The following ARMH3 variants were observed in gnomAD, a reference collection of about 807,000 sequenced individuals.
The protein encoded by ARMH3 is armadillo like helical domain containing 3.
Under a neutral mutation model 99.1 loss-of-function variants are expected in ARMH3, and 60 were observed. The observed-to-expected ratio is 0.61, with a 90% CI of 0.49 to 0.75. The LOEUF is 0.75. Ranked by LOEUF, ARMH3 falls within the 30% of genes least tolerant of loss-of-function variation. ARMH3 has a pLI of 0.00. For synonymous variants in ARMH3, 285 were observed against 292.8 expected (o/e 0.97, Z 0.27); for missense variants, 679 against 843.1 (o/e 0.81, Z 2.41).
chr10:101,911,644 T>C (rs949586830), intron 23 of ARMH3, among the ~76,000 whole-genome samples: 2 of 152,094 alleles, frequency 1.3e-5, no homozygotes, highest in East Asian at 3.9e-4. Flanking sequence ...GGCAGAAGGA[T>C]CCCTCGAGCC....
Position 101,847,616 on chromosome 10 carries a change from C to A in ARMH3, c.1982G>T (p.Arg661Leu), listed in dbSNP as rs764000572. The A allele has an allele frequency of 2.5e-6, 4 of 1,613,986 alleles. No individual in the cohort carries two copies. Among genetic ancestry groups the A allele is most frequent in the Non-Finnish European group, 3.4e-6 (4 of 1,179,952 alleles). Residue 661 changes from arginine (R) to leucine (L), a missense_variant, in exon 26 of 26, where the codon CGA becomes CTA. Around this residue, in one of 3 missense-constraint regions of ARMH3, gnomAD observed 389 missense variants for 456.5 expected, o/e 0.85. Transcript: ENST00000370033. ...KEAAFFKELV[R>L]SISTNVRRNL... ...TCTCCGGACGTTGGTGCTAATGGAT[C>A]GAACCTGGGAAAGGGTAGTTGGGGA...
Position 102,006,648 on chromosome 10 carries a change from C to A in ARMH3, c.955-15G>T, listed in dbSNP as rs1437622603. The A allele has an allele frequency of 6.2e-7, 1 of 1,609,932 alleles. No homozygotes were observed. Among genetic ancestry groups the A allele is most frequent in the African/African-American group, 1.3e-5 (1 of 74,836 alleles). On this transcript the variant is annotated splice_polypyrimidine_tract_variant and intron_variant, in intron 13 of 25. Coordinates refer to ENST00000370033, the MANE Select transcript of ARMH3 (RefSeq NM_024541.3). Reference sequence around the variant, plus strand: ...TCTGGATGGCTCTGAAAAAGATACACAGATGTGTAAGAAAACAGAAAATCC... The same window carrying A: ...TCTGGATGGCTCTGAAAAAGATACAAAGATGTGTAAGAAAACAGAAAATCC...
intron 1 of ARMH3, among the ~76,000 whole-genome samples, chr10:102,047,743 C>G (rs1242020640): frequency 6.6e-6 from 1 of 152,164 alleles, no homozygotes; most frequent in East Asian, 1.9e-4. Flanking sequence ...CCCACTTGGC[C>G]TCCCAAAGTG....
Position 102,042,570 on chromosome 10 carries a change from C to T in ARMH3, c.-11-2445G>A, listed in dbSNP as rs560784402. 2.6e-5 allele frequency among the ~76,000 whole-genome samples: 4 copies of T among 152,294 alleles called. No homozygotes were observed. The South Asian group carries it at 8.3e-4, about 32-fold the overall frequency. On this transcript the variant is annotated intron_variant, in intron 1 of 25. Transcript: ENST00000370033. ...GCAGCAGGAAAATCAGCCAAGGCCT[C>T]AACTCACTACTCTCTGTCATCACAG... is the stretch of plus-strand genomic sequence containing the variant.
At chr10:101,878,391 T>C (rs1169343226) in intron 24 of ARMH3, among the ~76,000 whole-genome samples, 1 of 152,018 alleles carries the variant, frequency 6.6e-6, no homozygotes, top group African/African-American at 2.4e-5. Context: ...TCCCAGTGCT[T>C]TGGGAGGCCA....
At chr10:101,861,780 C>T (rs1376486803) in intron 24 of ARMH3, among the ~76,000 whole-genome samples, 4 of 143,216 alleles carry the variant, frequency 2.8e-5, no homozygotes, top group Non-Finnish European at 6.0e-5. Context: ...CACCTGTAAT[C>T]CCAGCACTTT....
chr10:101,906,526 T>C (rs1245626332), intron 23 of ARMH3, among the ~76,000 whole-genome samples: 1 of 152,206 alleles, frequency 6.6e-6, no homozygotes, highest in Non-Finnish European at 1.5e-5. Flanking sequence ...ATAGTGGTTG[T>C]AGCATTGGGG....
At chr10:102,020,109 T>C (rs1306019418) in intron 8 of ARMH3, among the ~76,000 whole-genome samples, 1 of 151,968 alleles carries the variant, frequency 6.6e-6, no homozygotes, top group Non-Finnish European at 1.5e-5. Flanking sequence ...CTAAATGTTA[T>C]TACAAAAGAG....
chr10:101,895,688 C>T (rs1191268515), intron 23 of ARMH3, among the ~76,000 whole-genome samples: 28 of 152,268 alleles, frequency 1.8e-4, no homozygotes, highest in Admixed American at 1.8e-3. Context: ...GTGGATCAAT[C>T]TGAAGTTTAA....
chr10:101,936,586 A>C (rs374762771), intron 23 of ARMH3, among the ~76,000 whole-genome samples: 74 of 152,170 alleles, frequency 4.9e-4, no homozygotes, highest in African/African-American at 1.7e-3. Flanking sequence ...CTAAAAAAAA[A>C]AAAACTATGG....
intron 2 of ARMH3, among the ~76,000 whole-genome samples, chr10:102,039,306 G>A (rs1458216484): frequency 4.6e-5 from 7 of 151,922 alleles, no homozygotes; most frequent in South Asian, 2.1e-4. Flanking sequence ...CACCATGCCC[G>A]GCTAAGTTTT....
At chr10:101,911,092 G>A (rs1274824293) in intron 23 of ARMH3, among the ~76,000 whole-genome samples, 2 of 151,052 alleles carry the variant, frequency 1.3e-5, no homozygotes, top group African/African-American at 4.9e-5. Context: ...AGTGAGCCAA[G>A]ATCATGCCAC....
intron 24 of ARMH3, among the ~76,000 whole-genome samples, chr10:101,883,690 T>C (rs1010673983): frequency 6.6e-6 from 1 of 151,934 alleles, no homozygotes; most frequent in Non-Finnish European, 1.5e-5. Context: ...ACAACTATCC[T>C]CCCAGGGGAA....
intron 24 of ARMH3, among the ~76,000 whole-genome samples, chr10:101,878,571 C>T (rs2067327183): frequency 6.7e-6 from 1 of 150,160 alleles, no homozygotes; most frequent in South Asian, 2.1e-4. Flanking sequence ...TCCAGGAGCT[C>T]GAGGTTGCAG....
intron 24 of ARMH3, among the ~76,000 whole-genome samples, chr10:101,888,102 C>T (rs560194626): frequency 3.5e-4 from 53 of 149,402 alleles, no homozygotes; most frequent in African/African-American, 1.2e-3. Context: ...TTAGACTAAC[C>T]AGAGCTCACT....
At chr10:101,974,016 T>A (rs192274561) in intron 20 of ARMH3, among the ~76,000 whole-genome samples, 264 of 152,342 alleles carry the variant, frequency 1.7e-3, no homozygotes, top group African/African-American at 6.2e-3. Context: ...GAAATTCTAC[T>A]GTTGGTCATT....
intron 5 of ARMH3, chr10:102,029,342 T>C (rs1456125061): frequency 1.0e-5 from 11 of 1,064,842 alleles, no homozygotes; most frequent in Non-Finnish European, 1.3e-5. Flanking sequence ...TTGTTATATT[T>C]TATTTAAATT....
chr10:101,892,239 G>C lies in ARMH3; in HGVS notation c.1782-2749C>G, dbSNP rs372882952. Among the ~76,000 whole-genome samples the C allele has an allele frequency of 3.3e-5, 5 of 151,998 alleles. No individual in the cohort carries two copies. The East Asian group carries it at 7.7e-4, about 23-fold the overall frequency. On this transcript the variant is annotated intron_variant, in intron 23 of 25. Coordinates refer to ENST00000370033, the MANE Select transcript of ARMH3 (RefSeq NM_024541.3). ...GTGGGCGGATTACTTGAACCCAGGA[G>C]TTCGAGACCAGCCTGAGCAACATGG...
chr10:101,908,085 T>C (rs1842711921), intron 23 of ARMH3, among the ~76,000 whole-genome samples: 1 of 151,996 alleles, frequency 6.6e-6, no homozygotes, highest in Admixed American at 6.5e-5. Flanking sequence ...ACTAAAGAAC[T>C]GAATTTTAAA....
Sources: gnomAD v4.1 joint callset for allele counts (sites outside exome capture counted in the v4.1 genomes callset) on GRCh38, gnomAD v4.1.1 for gene constraint, gnomAD v4.1.1 regional missense constraint, MANE v1.5 for transcripts, NCBI Gene and HGNC (gene_info 2026-07-23, HGNC 2026-07-21) for gene names.